The following SH3RF3 variants were observed in gnomAD, a reference collection of about 807,000 sequenced individuals.
The protein encoded by SH3RF3 is SH3 domain containing ring finger 3.
SH3RF3 carries 29 observed loss-of-function variants against 66.3 expected under a neutral mutation model. That is an observed-to-expected ratio of 0.44 (90% CI 0.33 to 0.60). The LOEUF is 0.60. Ranked by LOEUF, SH3RF3 falls within the 20% of genes least tolerant of loss-of-function variation. The pLI is 0.04. For missense variants in SH3RF3, 1,194 were observed against 1,190.9 expected, an observed-to-expected ratio of 1.00 and a Z score of -0.04; for synonymous variants, 583 against 532.0, an observed-to-expected ratio of 1.10 and a Z score of -1.32.
chr2:109,449,463 A>G lies in SH3RF3; in HGVS notation c.2122A>G (p.Lys708Glu). The G allele has an allele frequency of 6.2e-7, 1 of 1,614,010 alleles. No individual in the cohort carries two copies. The highest frequency in any genetic ancestry group is 8.5e-7 in the Non-Finnish European group (1 of 1,179,876). ...ATCCAGCCCCACCAACACGGGATGC[A>G]AACTAGACGAGAAGAAAAGTGAAAA... Reference protein sequence around the residue: ...STSSPTNTGCKLDEKKSEKKE... With the variant: ...STSSPTNTGCELDEKKSEKKE... The change falls in exon 8 of 10, where the codon AAA becomes GAA. Residue 708 changes from lysine (K) to glutamate (E), a missense_variant. By Grantham distance (56) the Lys-to-Glu change is moderately conservative (BLOSUM62 1). Transcript: ENST00000309415.
intron 1 of SH3RF3, among the ~76,000 whole-genome samples, chr2:109,244,044 A>C (rs1031799756): frequency 6.6e-6 from 1 of 152,292 alleles, no homozygotes; most frequent in East Asian, 1.9e-4. Context: ...TGAGATGGGT[A>C]ATTGTAGCGA....
At chr2:109,149,258 T>A (rs1284151330) in intron 1 of SH3RF3, among the ~76,000 whole-genome samples, 1 of 152,202 alleles carries the variant, frequency 6.6e-6, no homozygotes, top group East Asian at 1.9e-4. Flanking sequence ...AAGAATGTTC[T>A]ATGGCCCCCC....
At chr2:109,170,194 C>T (rs1051075609) in intron 1 of SH3RF3, among the ~76,000 whole-genome samples, 3 of 151,920 alleles carry the variant, frequency 2.0e-5, no homozygotes, top group East Asian at 1.9e-4. Context: ...TGCAGATGAA[C>T]GAGATGTTTT....
At chr2:109,447,147 T>TAAAAAAAAAAAAAAA (rs61240132) in intron 7 of SH3RF3, among the ~76,000 whole-genome samples, 2 of 82,702 alleles carry the variant, frequency 2.4e-5, no homozygotes, top group Admixed American at 1.4e-4. Context: ...CCTGAATATT[T>TAAAAAAAAAAAAAAA]AAAAAAAAAA....
intron 5 of SH3RF3, among the ~76,000 whole-genome samples, chr2:109,430,303 A>G (rs145598432): frequency 1.3e-5 from 2 of 152,318 alleles, no homozygotes; most frequent in Non-Finnish European, 2.9e-5. Context: ...TTTACACTCA[A>G]TTGTATTTCT....
chr2:109,442,522 G>A (rs1677598160), intron 7 of SH3RF3, among the ~76,000 whole-genome samples: 1 of 152,052 alleles, frequency 6.6e-6, no homozygotes, highest in African/African-American at 2.4e-5. Context: ...AAAAGTGAAA[G>A]CAATCTAGTT....
At chr2:109,165,609 C>T (rs1258375555) in intron 1 of SH3RF3, among the ~76,000 whole-genome samples, 4 of 152,140 alleles carry the variant, frequency 2.6e-5, no homozygotes, top group Non-Finnish European at 5.9e-5. Context: ...CAGACATTGC[C>T]AACTCTGCCT....
chr2:109,395,048 C>T (rs868386492), intron 3 of SH3RF3, among the ~76,000 whole-genome samples: 1 of 152,330 alleles, frequency 6.6e-6, no homozygotes, highest in African/African-American at 2.4e-5. Context: ...AGCTTTATGA[C>T]GTGACTAATT....
chr2:109,239,121 G>GCTC (rs1679719576), intron 1 of SH3RF3, among the ~76,000 whole-genome samples: 1 of 152,196 alleles, frequency 6.6e-6, no homozygotes. Flanking sequence ...TCTTTTCCGA[G>GCTC]TGTCCCAGAG....
chr2:109,328,960 C>A (rs1682222151), intron 1 of SH3RF3, among the ~76,000 whole-genome samples: 1 of 152,108 alleles, frequency 6.6e-6, no homozygotes, highest in Non-Finnish European at 1.5e-5. Context: ...ACAAGCTTGG[C>A]CACGTCCTTC....
intron 8 of SH3RF3, among the ~76,000 whole-genome samples, chr2:109,471,485 C>T (rs1253641393): frequency 2.0e-5 from 3 of 152,112 alleles, no homozygotes; most frequent in Non-Finnish European, 2.9e-5. Flanking sequence ...TGATCTAGTC[C>T]CCTCCCTCCA....
chr2:109,261,178 A>T (rs1350813532), intron 1 of SH3RF3, among the ~76,000 whole-genome samples: 1 of 152,136 alleles, frequency 6.6e-6, no homozygotes, highest in East Asian at 1.9e-4. Context: ...TGGCTCTGTC[A>T]CACAGGTATG....
At chr2:109,331,603 A>G (rs1019991519) in intron 1 of SH3RF3, among the ~76,000 whole-genome samples, 4 of 152,090 alleles carry the variant, frequency 2.6e-5, no homozygotes, top group African/African-American at 7.2e-5. Context: ...TCACTATACT[A>G]CGTACTTTTA....
At chr2:109,420,691 C>A (rs747193119) in intron 5 of SH3RF3, among the ~76,000 whole-genome samples, 9 of 152,134 alleles carry the variant, frequency 5.9e-5, no homozygotes, top group Non-Finnish European at 1.3e-4. Context: ...GTGATCCGCC[C>A]GCCTTGGCCT....
chr2:109,266,738 T>A (rs1032962905), intron 1 of SH3RF3, among the ~76,000 whole-genome samples: 1 of 152,184 alleles, frequency 6.6e-6, no homozygotes, highest in African/African-American at 2.4e-5. Flanking sequence ...CGGCCCACGC[T>A]TGCTTCATTA....
intron 1 of SH3RF3, among the ~76,000 whole-genome samples, chr2:109,130,506 T>A (rs548496071): frequency 6.6e-6 from 1 of 152,140 alleles, no homozygotes; most frequent in South Asian, 2.1e-4. Flanking sequence ...AGTTAGCCCT[T>A]AACGTTTCTG....
chr2:109,163,657 C>T (rs1677548130), intron 1 of SH3RF3, among the ~76,000 whole-genome samples: 1 of 152,028 alleles, frequency 6.6e-6, no homozygotes, highest in Non-Finnish European at 1.5e-5. Flanking sequence ...CCTCGGCCTC[C>T]CAAAGTGCTG....
intron 3 of SH3RF3, among the ~76,000 whole-genome samples, chr2:109,392,784 A>G (rs566399323): frequency 5.9e-5 from 9 of 151,854 alleles, no homozygotes; most frequent in Admixed American, 2.0e-4. Context: ...CAAAGTGCTG[A>G]GATTACAGGC....
intron 1 of SH3RF3, among the ~76,000 whole-genome samples, chr2:109,293,624 A>G (rs1248309158): frequency 6.6e-6 from 1 of 152,218 alleles, no homozygotes; most frequent in Non-Finnish European, 1.5e-5. Flanking sequence ...CAAGTTTCCA[A>G]GACTCCTTCA....
Sources: allele counts gnomAD v4.1 joint callset (sites outside exome capture counted in the v4.1 genomes callset), GRCh38; gene constraint gnomAD v4.1.1; transcripts MANE v1.5; gene names NCBI Gene and HGNC (gene_info 2026-07-23, HGNC 2026-07-21).